The following INTS4 variants were observed in gnomAD, a reference collection of about 807,000 sequenced individuals.
INTS4 encodes integrator complex subunit 4.
INTS4 carries 70 observed loss-of-function variants against 119.5 expected under a neutral mutation model. The ratio of observed to expected loss-of-function variants is 0.59; its 90% confidence interval spans 0.48 to 0.71. The LOEUF is 0.71. Ranked by LOEUF, INTS4 falls within the 30% of genes least tolerant of loss-of-function variation. INTS4 has a pLI of 0.00. For synonymous variants in INTS4, 316 were observed against 419.6 expected (o/e 0.75, Z 3.02); for missense variants, 867 against 1,173.2 (o/e 0.74, Z 3.81).
intron 15 of INTS4, 122 bp downstream of exon 15, chr11:77,918,699 C>T (rs1295570507): frequency 2.0e-5 from 27 of 1,342,190 alleles, no homozygotes; most frequent in South Asian, 1.6e-5. Context: ...ACCATAAAAC[C>T]GTGTGTGAAT....
intron 20 of INTS4, 89 bp downstream of exon 20, chr11:77,891,592 G>A (rs938247940): frequency 6.3e-7 from 1 of 1,577,040 alleles, no homozygotes; most frequent in Non-Finnish European, 8.6e-7. Context: ...GCCTAGCCCA[G>A]CTGCTCCACT....
chr11:77,981,033 C>T (rs1856191606), intron 3 of INTS4, among the ~76,000 whole-genome samples: 1 of 151,618 alleles, frequency 6.6e-6, no homozygotes, highest in South Asian at 2.1e-4. Flanking sequence ...ACTGTATGTT[C>T]AGTTACAGGT....
intron 18 of INTS4, among the ~76,000 whole-genome samples, chr11:77,897,386 G>A (rs1271898177): frequency 6.6e-6 from 1 of 150,858 alleles, no homozygotes; most frequent in Non-Finnish European, 1.5e-5. Context: ...AATAAAGAAG[G>A]ATATACAAGG....
rs753919356 is a variant in INTS4 at position 77,961,032 on chromosome 11, G to A, written c.578C>T (p.Ala193Val). The A allele has an allele frequency of 1.2e-6, 2 of 1,613,348 alleles. No individual in the cohort carries two copies. The highest frequency in any genetic ancestry group is 2.2e-5 in the South Asian group (2 of 91,030). ...CCCTATAATCTTCTGGACATCTCTG[G>A]CAGCTAGGCCTTCTGCATCTTTTGT... ...SVTKDAEGLA[A>V]RDVQKIIGDY... Residue 193 changes from alanine to valine, a missense_variant, in exon 5 of 23, where the codon GCC (alanine) becomes GTC (valine). Ala to Val is a moderately conservative substitution (Grantham distance 64). Transcript: ENST00000534064.
intron 4 of INTS4, among the ~76,000 whole-genome samples, chr11:77,964,523 G>A (rs1490730665): frequency 2.0e-5 from 3 of 151,828 alleles, no homozygotes; most frequent in Non-Finnish European, 4.4e-5. Context: ...GCAGTGAGCC[G>A]AGATCGCGCC....
chr11:77,878,750 G>C lies in INTS4; in HGVS notation c.*199C>G, dbSNP rs752895720. On this transcript the variant is annotated 3_prime_UTR_variant, in exon 23 of 23. Coordinates refer to ENST00000534064, the MANE Select transcript of INTS4 (RefSeq NM_033547.4). ...GTTTTCTCAACTTTATTGTGGACAG[G>C]AGAAGGGTAAGTAGACTTGAAGGTT... 7 of 695,198 alleles carry C rather than the reference G, an allele frequency of 1.0e-5. No homozygotes were observed. The highest frequency in any genetic ancestry group is 1.8e-5 in the Non-Finnish European group (7 of 383,836). 43.1% of individuals were successfully genotyped at this position (695,198 alleles called of 1,614,324 possible). A position where few individuals can be genotyped will look rare whatever the true frequency, so the allele number is the denominator to read the frequency against.
rs1404080002 is a variant in INTS4 at position 77,903,719 on chromosome 11, G to A, written c.2017-99C>T. On this transcript the variant is annotated intron_variant, in intron 16 of 22. Coordinates refer to ENST00000534064, the MANE Select transcript of INTS4 (RefSeq NM_033547.4). Reference sequence around the variant, plus strand: ...TTGTTTTCCTTTGAAAGTCTCCCATGAACATGACTTCTCAATTGATCTTAT... The same window carrying A: ...TTGTTTTCCTTTGAAAGTCTCCCATAAACATGACTTCTCAATTGATCTTAT... The A allele has an allele frequency of 9.8e-6, 8 of 814,222 alleles. No homozygotes were observed. The South Asian group carries it at 1.2e-4, about 12-fold the overall frequency. 50.4% of individuals were successfully genotyped at this position (814,222 alleles called of 1,614,324 possible).
At chr11:77,965,072 T>C (rs1855440180) in intron 4 of INTS4, among the ~76,000 whole-genome samples, 1 of 152,212 alleles carries the variant, frequency 6.6e-6, no homozygotes, top group African/African-American at 2.4e-5. Context: ...CTTAGGTTTT[T>C]GTTTTTTAAG....
chr11:77,914,298 C>A (rs1276814663), intron 15 of INTS4, among the ~76,000 whole-genome samples: 3 of 152,222 alleles, frequency 2.0e-5, no homozygotes, highest in Admixed American at 1.3e-4. Context: ...TAAGAGCCAG[C>A]ACTGCAGCTG....
intron 8 of INTS4, among the ~76,000 whole-genome samples, chr11:77,950,730 GTTTT>G (rs1327154472): frequency 6.8e-6 from 1 of 147,614 alleles, no homozygotes; most frequent in Non-Finnish European, 1.5e-5. Context: ...TTGTTTGTTT[GTTTT>G]ATTATACTTT....
In INTS4 at chr11:77,924,587, G is replaced by A. The variant is rs185989575; in HGVS notation, c.1514+163C>T. ...ATCTAAAATGTGATACTCAGCTTAG[G>A]AATCAGATTCCTGAGAGTTCGGTTA... On this transcript the variant is annotated intron_variant, in intron 12 of 22. Transcript: ENST00000534064. The A allele has an allele frequency of 8.0e-4, 471 of 590,008 alleles. 1 individual carries two copies. The highest frequency in any genetic ancestry group is 3.1e-3 in the African/African-American group (167 of 53,486). The allele number at this position is 590,008 out of a possible 1,614,324, so 36.5% of individuals were successfully genotyped here.
intron 16 of INTS4, among the ~76,000 whole-genome samples, chr11:77,907,204 A>G (rs1952977267): frequency 6.6e-6 from 1 of 152,134 alleles, no homozygotes; most frequent in African/African-American, 2.4e-5. Context: ...CCAGCCGAGT[A>G]GCTGGATATA....
chr11:77,960,464 A>C, intron 5 of INTS4, 73 bp from the exon 6 acceptor site: 1,187 of 1,110,228 alleles, frequency 1.1e-3, no homozygotes, highest in Non-Finnish European at 1.5e-3. Context: ...CCACAATCTC[A>C]CATATTTTCC....
Position 77,943,632 on chromosome 11 carries a change from A to C in INTS4, c.919-2381T>G, listed in dbSNP as rs1411116353. Among the ~76,000 whole-genome samples the C allele has an allele frequency of 3.3e-5, 5 of 152,224 alleles. No homozygotes were observed. In the East Asian group the frequency reaches 9.6e-4, roughly 29 times the overall value. On this transcript the variant is annotated intron_variant, in intron 8 of 22. Coordinates refer to ENST00000534064, the MANE Select transcript of INTS4 (RefSeq NM_033547.4). ...TTCTGGTGTACTTTAACCAAGACAA[A>C]TATGTTTAGATTAAGATGGAATCTC...
downstream of INTS4, among the ~76,000 whole-genome samples, chr11:77,878,158 C>G (rs192473715): frequency 5.3e-5 from 8 of 152,144 alleles, no homozygotes; most frequent in East Asian, 3.9e-4. Flanking sequence ...GTCAGGAGAT[C>G]AAGACCATCC....
chr11:77,949,575 T>C (rs910805937), intron 8 of INTS4, among the ~76,000 whole-genome samples: 20 of 149,784 alleles, frequency 1.3e-4, no homozygotes, highest in African/African-American at 4.7e-4. Context: ...CAGACACTTC[T>C]CAAAAGAAGA....
intron 9 of INTS4, among the ~76,000 whole-genome samples, chr11:77,940,047 A>G (rs1292965106): frequency 1.3e-5 from 2 of 152,110 alleles, no homozygotes; most frequent in Non-Finnish European, 2.9e-5. Flanking sequence ...ACTAACAATG[A>G]ATGTACATAT....
chr11:77,926,125 TAGAC>T (rs1251848698), intron 11 of INTS4, among the ~76,000 whole-genome samples: 5 of 152,068 alleles, frequency 3.3e-5, no homozygotes, highest in African/African-American at 7.2e-5. Flanking sequence ...TTCTAATACA[TAGAC>T]AGTGCTTGTT....
At chr11:77,888,415 AAATT>A (rs1952113308) in intron 21 of INTS4, among the ~76,000 whole-genome samples, 1 of 152,238 alleles carries the variant, frequency 6.6e-6, no homozygotes, top group Non-Finnish European at 1.5e-5. Flanking sequence ...CCTTATACAA[AAATT>A]AATTCAAGAT....
Sources: gnomAD v4.1 joint callset for allele counts (sites outside exome capture counted in the v4.1 genomes callset) on GRCh38, gnomAD v4.1.1 for gene constraint, MANE v1.5 for transcripts, NCBI Gene and HGNC (gene_info 2026-07-23, HGNC 2026-07-21) for gene names.